GRAMD1C: variants seen among roughly 807,000 people sequenced by gnomAD.
The protein encoded by GRAMD1C is GRAM domain containing 1C, also known as protein Aster-C.
Under a neutral mutation model 97.8 loss-of-function variants are expected in GRAMD1C, and 89 were observed. The ratio of observed to expected loss-of-function variants is 0.91; its 90% CI spans 0.77 to 1.09. The LOEUF is 1.09. GRAMD1C is among the 50% of genes least tolerant of loss of function. The pLI, the probability that GRAMD1C is intolerant of heterozygous loss-of-function variation, is 0.00. For missense variants in GRAMD1C, 740 were observed against 766.4 expected, an observed-to-expected ratio of 0.97 and a Z score of 0.41; for synonymous variants, 256 against 267.0, an observed-to-expected ratio of 0.96 and a Z score of 0.40.
intron 2 of GRAMD1C, among the ~76,000 whole-genome samples, chr3:113,863,032 T>C (rs1577137784): frequency 6.6e-6 from 1 of 152,160 alleles, no homozygotes; most frequent in African/African-American, 2.4e-5. Context: ...AGTTTGGCAC[T>C]TCCTAAAAAT....
At chr3:113,865,405 A>G (rs939701831) in intron 2 of GRAMD1C, among the ~76,000 whole-genome samples, 1 of 152,214 alleles carries the variant, frequency 6.6e-6, no homozygotes, top group Non-Finnish European at 1.5e-5. Flanking sequence ...AGTGTGCCAC[A>G]GATACTGAAT....
Position 113,942,353 on chromosome 3 carries a change from A to G in GRAMD1C, c.1908+2008A>G, listed in dbSNP as rs147843710. Among the ~76,000 whole-genome samples, 1,063 of 152,054 alleles carry G rather than the reference A, an allele frequency of 7.0e-3. 16 individuals are homozygous for G. Among genetic ancestry groups the G allele is most frequent in the African/African-American group, 0.023 (966 of 41,480 alleles). ...CACCCTCGTTTTAATTTCTATCTTT[A>G]AGGTTAGAGAATTTCTTTAGTGTTT... On this transcript the variant is annotated intron_variant, in intron 17 of 17. Coordinates refer to ENST00000358160, the MANE Select transcript of GRAMD1C (RefSeq NM_017577.5).
chr3:113,878,811 C>T (rs749788458), intron 5 of GRAMD1C, among the ~76,000 whole-genome samples: 11 of 152,156 alleles, frequency 7.2e-5, no homozygotes, highest in Non-Finnish European at 1.6e-4. Flanking sequence ...TCTTCATCTC[C>T]ACTGCCACCC....
chr3:113,868,318 T>C (rs1356941367), intron 2 of GRAMD1C, among the ~76,000 whole-genome samples: 2 of 152,230 alleles, frequency 1.3e-5, no homozygotes, highest in Non-Finnish European at 2.9e-5. Context: ...GTTCTGTTTT[T>C]TTCTTTCCTT....
At chr3:113,917,011 C>T (rs2107342547) in intron 10 of GRAMD1C, among the ~76,000 whole-genome samples, 1 of 152,202 alleles carries the variant, frequency 6.6e-6, no homozygotes, top group Admixed American at 6.5e-5. Flanking sequence ...TGGTGCACCC[C>T]TGTAGTCTCA....
At chr3:113,886,198 G>A (rs906352160) in intron 6 of GRAMD1C, among the ~76,000 whole-genome samples, 38 of 152,282 alleles carry the variant, frequency 2.5e-4, no homozygotes, top group African/African-American at 9.1e-4. Context: ...CTTGGAGTCT[G>A]GATGGACACA....
chr3:113,940,255 G>A lies in GRAMD1C; in HGVS notation c.1818G>A (p.Met606Ile). 5 of 1,595,268 alleles carry A rather than the reference G, an allele frequency of 3.1e-6. No homozygotes were observed. Among genetic ancestry groups the A allele is most frequent in the Non-Finnish European group, 4.3e-6 (5 of 1,162,826 alleles). Residue 606 changes from methionine to isoleucine, a missense_variant, in exon 17 of 18, where the codon ATG becomes ATA. Coordinates refer to ENST00000358160, the MANE Select transcript of GRAMD1C (RefSeq NM_017577.5). Reference protein sequence around the residue: ...EEKSLNLASDMVSRAETIQKN... With the variant: ...EEKSLNLASDIVSRAETIQKN... Reference sequence around the variant, plus strand: ...TTTCTTTCAGTTTAGCCTCTGATATGGTGTCAAGAGCAGAAACTATTCAGA... The same window carrying A: ...TTTCTTTCAGTTTAGCCTCTGATATAGTGTCAAGAGCAGAAACTATTCAGA...
At chr3:113,914,566 G>C (rs1238659807) in intron 9 of GRAMD1C, among the ~76,000 whole-genome samples, 1 of 152,172 alleles carries the variant, frequency 6.6e-6, no homozygotes, top group Non-Finnish European at 1.5e-5. Context: ...ATTCTGTATC[G>C]ATGGGGCATC....
At chr3:113,917,727 C>G (rs1021034957) in intron 10 of GRAMD1C, among the ~76,000 whole-genome samples, 3 of 151,444 alleles carry the variant, frequency 2.0e-5, no homozygotes, top group Admixed American at 6.6e-5. Context: ...GGGTCTCGCT[C>G]TGTCACCCAG....
At chr3:113,850,321 CTTG>C (rs1933840262) in intron 2 of GRAMD1C, 1 of 722,248 alleles carries the variant, frequency 1.4e-6, no homozygotes, top group South Asian at 1.4e-5. Flanking sequence ...CCTCGACTTT[CTTG>C]TTGGCACCAG....
At chr3:113,923,556 GTGA>G (rs1937135816) in intron 10 of GRAMD1C, among the ~76,000 whole-genome samples, 1 of 151,860 alleles carries the variant, frequency 6.6e-6, no homozygotes. Flanking sequence ...TTCTGTTTAT[GTGA>G]TGAATCACAC....
chr3:113,835,991 C>T (rs1709624878), upstream of GRAMD1C, among the ~76,000 whole-genome samples: 1 of 152,076 alleles, frequency 6.6e-6, no homozygotes. Flanking sequence ...TGGCCAGGTG[C>T]AGTGGCTCAC....
intron 2 of GRAMD1C, among the ~76,000 whole-genome samples, chr3:113,852,082 A>T (rs1353487120): frequency 6.6e-6 from 1 of 152,082 alleles, no homozygotes; most frequent in Non-Finnish European, 1.5e-5. Context: ...ATTAACAGGT[A>T]AATTTTTCTA....
chr3:113,857,611 C>G (rs574529498), intron 2 of GRAMD1C, among the ~76,000 whole-genome samples: 6 of 152,008 alleles, frequency 3.9e-5, no homozygotes, highest in Non-Finnish European at 7.4e-5. Context: ...CGCCTGACCT[C>G]GTGATCCTCC....
intron 2 of GRAMD1C, chr3:113,845,034 G>A (rs13079071): frequency 0.35 from 55,269 of 158,168 alleles, 9,961 homozygotes; most frequent in Admixed American, 0.41. Context: ...GTACGTAAAG[G>A]AAGTTTAGCA....
At chr3:113,933,748 T>G in intron 12 of GRAMD1C, 95 bp downstream of exon 12, 1 of 850,928 alleles carries the variant, frequency 1.2e-6, no homozygotes, top group South Asian at 1.9e-5. Context: ...ACACAACAGT[T>G]TTATTTCTTG....
chr3:113,940,433 A>C (rs747208038), intron 17 of GRAMD1C, 88 bp downstream of exon 17: 22 of 753,430 alleles, frequency 2.9e-5, no homozygotes, highest in Non-Finnish European at 5.0e-5. Flanking sequence ...TATTTACCCT[A>C]CTATCGTTTG....
chr3:113,890,563 T>G (rs1377372579), intron 6 of GRAMD1C: 10 of 561,924 alleles, frequency 1.8e-5, no homozygotes, highest in Non-Finnish European at 3.2e-5. Flanking sequence ...GGTGCTCTAT[T>G]CTAGCACTGG....
intron 2 of GRAMD1C, among the ~76,000 whole-genome samples, chr3:113,862,278 A>T (rs531502163): frequency 6.6e-6 from 1 of 152,158 alleles, no homozygotes; most frequent in Admixed American, 6.5e-5. Flanking sequence ...GGCTTATTTC[A>T]TCCCTACAGC....
Sources: allele counts gnomAD v4.1 joint callset (sites outside exome capture counted in the v4.1 genomes callset), GRCh38; gene constraint gnomAD v4.1.1; transcripts MANE v1.5; gene names NCBI Gene and HGNC (gene_info 2026-07-23, HGNC 2026-07-21).